The following GPC6 variants were observed in gnomAD, a reference collection of about 807,000 sequenced individuals.
GPC6 encodes the protein glypican 6.
GPC6 carries 14 observed loss-of-function variants against 55.2 expected under a neutral mutation model. The ratio of observed to expected loss-of-function variants is 0.25; its 90% CI spans 0.17 to 0.40. The LOEUF is 0.40. Ranked by LOEUF, GPC6 falls within the 10% of genes least tolerant of loss-of-function variation. The pLI is 1.00. For missense variants in GPC6, 641 were observed against 708.5 expected, an observed-to-expected ratio of 0.90 and a Z score of 1.08; for synonymous variants, 278 against 259.6, an observed-to-expected ratio of 1.07 and a Z score of -0.68.
chr13:93,962,512 T>A (rs1879830670), intron 3 of GPC6, among the ~76,000 whole-genome samples: 1 of 152,092 alleles, frequency 6.6e-6, no homozygotes, highest in Admixed American at 6.5e-5. Context: ...TAAGCAGCCT[T>A]GAAATATCTG....
Position 93,597,007 on chromosome 13 carries a change from C to CAAAAAAAAA in GPC6, c.319+51601_319+51609dup, listed in dbSNP as rs10709473. 5.6e-4 allele frequency among the ~76,000 whole-genome samples: 38 copies of CAAAAAAAAA among 68,026 alleles called. 1 individual carries two copies. The highest frequency in any genetic ancestry group is 0.015 in the Middle Eastern group (1 of 68). The allele number at this position is 68,026 out of a possible 152,430, so 44.6% of individuals were successfully genotyped here. A position where few individuals can be genotyped will look rare whatever the true frequency, so the allele number is the denominator to read the frequency against. On this transcript the variant is annotated intron_variant, in intron 2 of 8. Coordinates refer to ENST00000377047, the MANE Select transcript of GPC6 (RefSeq NM_005708.5). Reference sequence around the variant, plus strand: ...AACTTATATTTTAGTTCAAATCTGGCAAAAAAAAAAAAAAAAAAAAAAAGA... The same window carrying CAAAAAAAAA: ...AACTTATATTTTAGTTCAAATCTGGCAAAAAAAAAAAAAAAAAAAAAAAAAAAAAAAAGA...
chr13:94,249,004 C>T (rs1424099880), intron 4 of GPC6, among the ~76,000 whole-genome samples: 1 of 152,108 alleles, frequency 6.6e-6, no homozygotes, highest in Admixed American at 6.6e-5. Flanking sequence ...TATATGCCAA[C>T]ATGCTCAGAG....
chr13:94,019,807 C>T (rs1281688753), intron 3 of GPC6, among the ~76,000 whole-genome samples: 1 of 152,176 alleles, frequency 6.6e-6, no homozygotes, highest in African/African-American at 2.4e-5. Flanking sequence ...CCACAGCGTA[C>T]AACTGTTCAT....
chr13:93,266,627 C>T (rs1051009901), intron 1 of GPC6, among the ~76,000 whole-genome samples: 4 of 152,104 alleles, frequency 2.6e-5, no homozygotes, highest in African/African-American at 9.7e-5. Flanking sequence ...TGAGGGCATT[C>T]GGGCATGAAT....
intron 4 of GPC6, among the ~76,000 whole-genome samples, chr13:94,102,828 G>A (rs1885914374): frequency 6.6e-6 from 1 of 152,058 alleles, no homozygotes; most frequent in Admixed American, 6.6e-5. Context: ...GCCACTAACA[G>A]GCTTTGTAAT....
chr13:94,398,778 G>C (rs1429707083), intron 8 of GPC6, 137 bp downstream of exon 8: 7 of 762,188 alleles, frequency 9.2e-6, no homozygotes, highest in Non-Finnish European at 1.6e-5. Context: ...TCTTGTTATA[G>C]TCTTTTGGAC....
chr13:93,307,584 T>C (rs550951890), intron 1 of GPC6, among the ~76,000 whole-genome samples: 17 of 152,292 alleles, frequency 1.1e-4, no homozygotes, highest in Non-Finnish European at 1.9e-4. Flanking sequence ...GCTCTTTCTA[T>C]TAACACCATC....
chr13:93,973,608 G>C (rs1880386100), intron 3 of GPC6, among the ~76,000 whole-genome samples: 1 of 152,116 alleles, frequency 6.6e-6, no homozygotes, highest in African/African-American at 2.4e-5. Context: ...AGCCATCATA[G>C]AATAAAATGT....
At chr13:94,316,011 C>T (rs1460397826) in intron 6 of GPC6, among the ~76,000 whole-genome samples, 1 of 152,168 alleles carries the variant, frequency 6.6e-6, no homozygotes, top group Non-Finnish European at 1.5e-5. Context: ...AAGACAATTC[C>T]TCTTCTTCCA....
intron 3 of GPC6, among the ~76,000 whole-genome samples, chr13:93,878,503 C>A (rs747491763): frequency 2.0e-5 from 3 of 152,018 alleles, no homozygotes; most frequent in Non-Finnish European, 4.4e-5. Flanking sequence ...CTCAGCCTCC[C>A]GAGTAACTGG....
At chr13:94,379,352 A>G (rs565393468) in intron 6 of GPC6, among the ~76,000 whole-genome samples, 1 of 152,182 alleles carries the variant, frequency 6.6e-6, no homozygotes, top group Admixed American at 6.5e-5. Context: ...CGGCATCTAC[A>G]TTTCTCACTG....
chr13:93,626,825 A>T (rs1320565840), intron 2 of GPC6, among the ~76,000 whole-genome samples: 2 of 151,682 alleles, frequency 1.3e-5, no homozygotes, highest in Non-Finnish European at 2.9e-5. Flanking sequence ...AAAAATCCTA[A>T]GACTGGGTAA....
chr13:94,252,526 G>A (rs1350585821), intron 4 of GPC6, among the ~76,000 whole-genome samples: 4 of 151,994 alleles, frequency 2.6e-5, no homozygotes, highest in Non-Finnish European at 5.9e-5. Context: ...TCGGATAATG[G>A]CGATTTCAAT....
chr13:93,568,925 C>G (rs1038057615), intron 2 of GPC6, among the ~76,000 whole-genome samples: 15 of 152,094 alleles, frequency 9.9e-5, no homozygotes, highest in African/African-American at 3.6e-4. Context: ...TCCCAGCCTA[C>G]TTATTGGAGG....
chr13:93,513,876 C>CT (rs56333946), intron 1 of GPC6, among the ~76,000 whole-genome samples: 15,194 of 110,064 alleles, frequency 0.14, 1,399 homozygotes, highest in East Asian at 0.3. Flanking sequence ...TGAATGATGG[C>CT]TTTTTTTTTT....
chr13:93,359,079 A>C (rs1880956144), intron 1 of GPC6, among the ~76,000 whole-genome samples: 1 of 145,638 alleles, frequency 6.9e-6, no homozygotes. Flanking sequence ...AGATCCTCCC[A>C]CCTCAGCCTC....
At chr13:93,407,361 A>T (rs1250077367) in intron 1 of GPC6, among the ~76,000 whole-genome samples, 1 of 152,072 alleles carries the variant, frequency 6.6e-6, no homozygotes, top group African/African-American at 2.4e-5. Context: ...ACTTTCTTGA[A>T]GGTTAGAAAA....
At chr13:93,279,116 A>G (rs1172552141) in intron 1 of GPC6, among the ~76,000 whole-genome samples, 1 of 152,188 alleles carries the variant, frequency 6.6e-6, no homozygotes, top group East Asian at 1.9e-4. Flanking sequence ...TACTCTTGGG[A>G]AGAGAATGGT....
In GPC6 at chr13:93,515,274, C is replaced by G. The variant is rs560579568; in HGVS notation, c.161-29989C>G. Among the ~76,000 whole-genome samples, 90 of 152,260 alleles carry G rather than the reference C, an allele frequency of 5.9e-4. 1 individual carries two copies. Among genetic ancestry groups the G allele is most frequent in the African/African-American group, 2.0e-3 (85 of 41,556 alleles). On this transcript the variant is annotated intron_variant, in intron 1 of 8. Transcript: ENST00000377047. ...TTTCAGCCTCCAGAACTTTAAGACA[C>G]ACATTTCAGTTATTTAAGCCACCCA...
Sources: gnomAD v4.1 joint callset for allele counts (sites outside exome capture counted in the v4.1 genomes callset) on GRCh38, gnomAD v4.1.1 for gene constraint, MANE v1.5 for transcripts, NCBI Gene and HGNC (gene_info 2026-07-23, HGNC 2026-07-21) for gene names.